IGF1R: variants seen among roughly 807,000 people sequenced by gnomAD.
IGF1R encodes the protein insulin-like growth factor 1 receptor.
Under a neutral mutation model 144.6 loss-of-function variants are expected in IGF1R, and 44 were observed. The observed-to-expected ratio is 0.30, with a 90% CI of 0.24 to 0.39. The LOEUF (loss-of-function observed/expected upper bound fraction) is 0.39. Among genes scored for constraint, IGF1R ranks in the 10% least tolerant of loss-of-function variants. The pLI, the probability that IGF1R is intolerant of heterozygous loss-of-function variation, is 1.00. For missense variants in IGF1R, 1,355 were observed against 1,833.7 expected (o/e 0.74, Z 4.77); for synonymous variants, 795 against 722.8 (o/e 1.10, Z -1.60).
intron 10 of IGF1R, 110 bp downstream of exon 10, chr15:98,916,986 C>T (rs1361341505): frequency 1.1e-6 from 1 of 905,896 alleles, no homozygotes; most frequent in African/African-American, 1.6e-5. Flanking sequence ...GGGTACAATA[C>T]AGTAGCCACT....
chr15:98,650,843 C>T, intron 1 of IGF1R: 7 of 935,912 alleles, frequency 7.5e-6, no homozygotes, highest in Non-Finnish European at 7.6e-6. Flanking sequence ...CATTCGCTGT[C>T]TTTTGCAATC....
chr15:98,688,197 TCAGCCCTGGC>T (rs1235355120), intron 1 of IGF1R, among the ~76,000 whole-genome samples: 1 of 152,136 alleles, frequency 6.6e-6, no homozygotes, highest in East Asian at 1.9e-4. Context: ...GGTTTTGGAT[TCAGCCCTGGC>T]CAGCCCTGGC....
chr15:98,760,349 C>CAA (rs772900938), intron 2 of IGF1R, among the ~76,000 whole-genome samples: 4 of 125,630 alleles, frequency 3.2e-5, no homozygotes, highest in East Asian at 2.5e-4. Flanking sequence ...GAGACTGCCT[C>CAA]AAAAAAAAAA....
At chr15:98,690,115 G>A (rs1394036389) in intron 1 of IGF1R, among the ~76,000 whole-genome samples, 57 of 152,158 alleles carry the variant, frequency 3.7e-4, no homozygotes, top group Non-Finnish European at 1.5e-4. Context: ...ACTAAGACAG[G>A]AGGATTTCTT....
At chr15:98,805,687 T>A (rs1490300833) in intron 2 of IGF1R, among the ~76,000 whole-genome samples, 1 of 152,226 alleles carries the variant, frequency 6.6e-6, no homozygotes, top group Admixed American at 6.5e-5. Flanking sequence ...AAATCTTTAA[T>A]CTTGGTCCTT....
intron 2 of IGF1R, among the ~76,000 whole-genome samples, chr15:98,869,243 A>G (rs1373860800): frequency 1.3e-5 from 2 of 152,034 alleles, no homozygotes; most frequent in Admixed American, 6.6e-5. Context: ...CTTGCTTTCC[A>G]TTTATATGTT....
At chr15:98,868,329 A>AAAAAAAAC (rs2012571331) in intron 2 of IGF1R, among the ~76,000 whole-genome samples, 1 of 134,920 alleles carries the variant, frequency 7.4e-6, no homozygotes, top group East Asian at 2.2e-4. Context: ...CTTGTCTCCA[A>AAAAAAAAC]AAAAAAAAAA....
intron 2 of IGF1R, among the ~76,000 whole-genome samples, chr15:98,789,124 G>C (rs2141411444): frequency 6.6e-6 from 1 of 152,264 alleles, no homozygotes; most frequent in African/African-American, 2.4e-5. Context: ...AAAATGGAAA[G>C]ACAAACATAC....
At chr15:98,801,535 T>G (rs1411518513) in intron 2 of IGF1R, among the ~76,000 whole-genome samples, 1 of 152,206 alleles carries the variant, frequency 6.6e-6, no homozygotes, top group South Asian at 2.1e-4. Context: ...GGAAGAGGCC[T>G]TTCCTTGATG....
At chr15:98,875,130 C>T (rs558803845) in intron 2 of IGF1R, among the ~76,000 whole-genome samples, 32 of 151,960 alleles carry the variant, frequency 2.1e-4, no homozygotes, top group African/African-American at 7.2e-5. Context: ...GGCTCCGGGA[C>T]GAGGATGCTC....
At chr15:98,920,431 G>A (rs2015435258) in intron 10 of IGF1R, among the ~76,000 whole-genome samples, 1 of 152,218 alleles carries the variant, frequency 6.6e-6, no homozygotes, top group Non-Finnish European at 1.5e-5. Context: ...GGTGGGCTGA[G>A]CCGGGAGAGG....
At chr15:98,652,921 ATC>A (rs1424079876) in intron 1 of IGF1R, among the ~76,000 whole-genome samples, 2 of 144,832 alleles carry the variant, frequency 1.4e-5, no homozygotes, top group South Asian at 4.4e-4. Context: ...TGTGAATTAT[ATC>A]TCAATAAACC....
At chr15:98,673,113 A>C (rs1269759161) in intron 1 of IGF1R, among the ~76,000 whole-genome samples, 1 of 152,042 alleles carries the variant, frequency 6.6e-6, no homozygotes, top group Non-Finnish European at 1.5e-5. Context: ...TCTTGCCTCA[A>C]CCTCCCAAGT....
chr15:98,810,258 A>G (rs1410013041), intron 2 of IGF1R, among the ~76,000 whole-genome samples: 1 of 152,120 alleles, frequency 6.6e-6, no homozygotes. Flanking sequence ...TTTGCTTGGT[A>G]TCTGTATTAC....
intron 2 of IGF1R, among the ~76,000 whole-genome samples, chr15:98,770,522 T>C (rs540677316): frequency 4.6e-5 from 7 of 152,358 alleles, no homozygotes; most frequent in Non-Finnish European, 8.8e-5. Context: ...TCCTAATTAT[T>C]CTGATCATTA....
intron 2 of IGF1R, among the ~76,000 whole-genome samples, chr15:98,829,361 A>G (rs1460626969): frequency 8.4e-6 from 1 of 119,336 alleles, no homozygotes; most frequent in Non-Finnish European, 2.0e-5. Flanking sequence ...GAAAGCTGCT[A>G]TTACTTTAAA....
chr15:98,947,734 AG>A (rs2016607705), intron 19 of IGF1R, among the ~76,000 whole-genome samples: 1 of 152,120 alleles, frequency 6.6e-6, no homozygotes, highest in Admixed American at 6.5e-5. Context: ...CTCACTACAA[AG>A]TTATTCCTCA....
intron 19 of IGF1R, among the ~76,000 whole-genome samples, chr15:98,946,300 G>A (rs1008756238): frequency 1.3e-5 from 2 of 151,974 alleles, no homozygotes; most frequent in Admixed American, 6.6e-5. Context: ...TTTCCTCGTG[G>A]GACTTAGGCT....
At chr15:98,756,531 C>CT (rs1267207438) in intron 2 of IGF1R, among the ~76,000 whole-genome samples, 2 of 151,746 alleles carry the variant, frequency 1.3e-5, no homozygotes, top group African/African-American at 4.8e-5. Flanking sequence ...TATTTTTGCT[C>CT]TTTTTTTGCT....
Sources: gnomAD v4.1 joint callset for allele counts (sites outside exome capture counted in the v4.1 genomes callset) on GRCh38, gnomAD v4.1.1 for gene constraint, MANE v1.5 for transcripts, NCBI Gene and HGNC (gene_info 2026-07-23, HGNC 2026-07-21) for gene names.